The following TRPM1 variants were observed in gnomAD, a reference collection of about 807,000 sequenced individuals.
The protein encoded by TRPM1 is transient receptor potential cation channel subfamily M member 1.
Under a neutral mutation model 149.4 loss-of-function variants are expected in TRPM1, and 113 were observed. The ratio of observed to expected loss-of-function variants is 0.76; its 90% CI spans 0.65 to 0.88. TRPM1 has a LOEUF of 0.88. TRPM1 is among the 40% of genes least tolerant of loss of function. TRPM1 has a pLI of 0.00. For synonymous variants in TRPM1, 741 were observed against 759.5 expected (o/e 0.98, Z 0.40); for missense variants, 1,976 against 2,038.7 (o/e 0.97, Z 0.59).
chr15:31,010,486 G>A (rs935860829), intron 27 of TRPM1, among the ~76,000 whole-genome samples: 22 of 151,920 alleles, frequency 1.4e-4, no homozygotes, highest in Admixed American at 5.9e-4. Context: ...CATTTTGTTC[G>A]CCTTGAAGTA....
At chr15:31,130,610 A>C (rs2141042658) in intron 1 of TRPM1, among the ~76,000 whole-genome samples, 1 of 152,192 alleles carries the variant, frequency 6.6e-6, no homozygotes, top group South Asian at 2.1e-4. Context: ...CTGTTGTAAA[A>C]CCTAAGATGA....
chr15:31,089,131 A>G (rs184528232), intron 1 of TRPM1, among the ~76,000 whole-genome samples: 1 of 152,240 alleles, frequency 6.6e-6, no homozygotes, highest in Non-Finnish European at 1.5e-5. Context: ...TACAGTGTGG[A>G]AACTGAAGAC....
chr15:31,075,719 G>C (rs1048288370), intron 3 of TRPM1, among the ~76,000 whole-genome samples: 9 of 152,166 alleles, frequency 5.9e-5, no homozygotes, highest in Non-Finnish European at 1.3e-4. Flanking sequence ...TCTCTATCTT[G>C]CTGAGCTGGG....
intron 27 of TRPM1, among the ~76,000 whole-genome samples, chr15:31,003,722 T>G (rs1316258267): frequency 1.3e-5 from 2 of 152,232 alleles, no homozygotes; most frequent in African/African-American, 4.8e-5. Flanking sequence ...GATAGTTTGC[T>G]TAAAGGATAG....
At chr15:31,018,636 T>C (rs1345052697) in intron 27 of TRPM1, among the ~76,000 whole-genome samples, 4 of 152,020 alleles carry the variant, frequency 2.6e-5, no homozygotes, top group African/African-American at 9.7e-5. Flanking sequence ...GCACCCAAAG[T>C]GCTGGATTAC....
At chr15:31,060,015 C>T (rs2034181965) in intron 11 of TRPM1, among the ~76,000 whole-genome samples, 1 of 152,004 alleles carries the variant, frequency 6.6e-6, no homozygotes, top group South Asian at 2.1e-4. Flanking sequence ...CACCCACATA[C>T]ACACTATACC....
At chr15:31,035,333 T>G (rs1453327788) in intron 21 of TRPM1, among the ~76,000 whole-genome samples, 1 of 152,080 alleles carries the variant, frequency 6.6e-6, no homozygotes, top group Non-Finnish European at 1.5e-5. Context: ...GTAGAGGCAG[T>G]GTTTCATTCA....
At chr15:31,107,174 C>A (rs1029343753) in intron 1 of TRPM1, among the ~76,000 whole-genome samples, 6 of 152,152 alleles carry the variant, frequency 3.9e-5, no homozygotes, top group Admixed American at 2.6e-4. Context: ...ACCAGTGAAG[C>A]CATCTGGGCC....
chr15:31,034,674 T>TA (rs543314510), intron 21 of TRPM1, among the ~76,000 whole-genome samples: 11 of 152,342 alleles, frequency 7.2e-5, no homozygotes, highest in African/African-American at 2.4e-4. Flanking sequence ...AGTCCAGAGA[T>TA]AAAAGAGATG....
chr15:31,142,213 A>G (rs760409371), intron 1 of TRPM1, among the ~76,000 whole-genome samples: 28 of 152,174 alleles, frequency 1.8e-4, no homozygotes, highest in Non-Finnish European at 3.7e-4. Flanking sequence ...CCCTCTCTGC[A>G]TCTAAATCAT....
intron 4 of TRPM1, among the ~76,000 whole-genome samples, chr15:31,068,941 C>A (rs7182134): frequency 0.72 from 108,701 of 151,924 alleles, 39,071 homozygotes; most frequent in East Asian, 0.93. Flanking sequence ...TTTATAAATT[C>A]CCCAGCCTAA....
rs766305562 is a variant in TRPM1, at chr15:31,042,119, C to T, written c.1919G>A (p.Trp640Ter). The change falls in exon 17 of 28, where the codon TGG (tryptophan) becomes TAG (stop). Residue 640 changes from tryptophan (W) to a stop codon, truncating the protein, a stop_gained. Transcript: ENST00000256552. LOFTEE classifies it high-confidence loss of function. ...FQYPFHELMV[W>*]AVLMKRQKMA... ...TTTCTGGCGTTTCATCAGCACTGCC[C>T]ACACCATCAGCTCGTGGAAGGGATA... The T allele has an allele frequency of 3.7e-6, 6 of 1,614,108 alleles. No homozygotes were observed. In the Admixed American group the frequency reaches 1.0e-4, roughly 27 times the overall value.
Position 31,060,767 on chromosome 15 carries a change from C to A in TRPM1, c.1163-123G>T, listed in dbSNP as rs2034210674. 8.8e-6 allele frequency: 7 copies of A among 798,722 alleles called. 1 individual carries two copies. Among genetic ancestry groups the A allele is most frequent in the African/African-American group, 1.7e-5 (1 of 58,848 alleles). 49.5% of individuals were successfully genotyped at this position (798,722 alleles called of 1,614,324 possible). ...CTGGCCTAGAACTAAGCATTGCTGG[C>A]TTTGCTCTTGCCCTGAATGACCACA... On this transcript the variant is annotated intron_variant, in intron 10 of 27. Coordinates refer to ENST00000256552, the MANE Select transcript of TRPM1 (RefSeq NM_001252024.2).
intron 2 of TRPM1, among the ~76,000 whole-genome samples, chr15:31,079,340 AT>A (rs138074705): frequency 0.021 from 3,237 of 152,268 alleles, 114 homozygotes; most frequent in African/African-American, 0.073. Flanking sequence ...TCTCACAAGG[AT>A]TTGACTGAGC....
intron 1 of TRPM1, among the ~76,000 whole-genome samples, chr15:31,098,228 G>A (rs1285386269): frequency 6.6e-6 from 1 of 152,006 alleles, no homozygotes; most frequent in East Asian, 1.9e-4. Context: ...ATCACCTGAG[G>A]TCAGGAGTTT....
At chr15:31,066,913 A>G in intron 6 of TRPM1, 150 bp downstream of exon 6, 4 of 1,025,270 alleles carry the variant, frequency 3.9e-6, no homozygotes, top group Non-Finnish European at 5.9e-6. Flanking sequence ...ATCTTGCATT[A>G]TGGTTTTGCA....
intron 1 of TRPM1, among the ~76,000 whole-genome samples, chr15:31,095,302 G>A (rs1000712672): frequency 2.0e-5 from 3 of 152,204 alleles, no homozygotes; most frequent in African/African-American, 7.2e-5. Context: ...CAAGGTAGTT[G>A]CATGACCTCA....
chr15:31,008,591 TG>T (rs1191865912), intron 27 of TRPM1, among the ~76,000 whole-genome samples: 3 of 152,244 alleles, frequency 2.0e-5, no homozygotes, highest in African/African-American at 7.2e-5. Context: ...TGTGAATTTT[TG>T]TGTCTATGTT....
chr15:31,045,893 T>C (rs1314390868), intron 16 of TRPM1, among the ~76,000 whole-genome samples: 2 of 152,204 alleles, frequency 1.3e-5, no homozygotes, highest in Non-Finnish European at 2.9e-5. Context: ...AAATAGTCTA[T>C]TGAATTCTTT....
Sources: allele counts gnomAD v4.1 joint callset (sites outside exome capture counted in the v4.1 genomes callset), GRCh38; gene constraint gnomAD v4.1.1; transcripts MANE v1.5; gene names NCBI Gene and HGNC (gene_info 2026-07-23, HGNC 2026-07-21).